ASCC3: variants seen among roughly 807,000 people sequenced by gnomAD.
ASCC3 encodes the protein activating signal cointegrator 1 complex subunit 3.
In ASCC3, 158 loss-of-function variants were observed where a neutral mutation model predicts 256.3. That is an observed-to-expected ratio of 0.62 (90% CI 0.54 to 0.70). The LOEUF is 0.70. Among genes scored for constraint, ASCC3 ranks in the 30% least tolerant of loss-of-function variants. ASCC3 has a pLI of 0.00. For synonymous variants in ASCC3, 948 were observed against 883.4 expected, an observed-to-expected ratio of 1.07 and a Z score of -1.30; for missense variants, 2,259 against 2,626.0, an observed-to-expected ratio of 0.86 and a Z score of 3.05.
At chr6:100,780,194 T>C (rs1253152720) in intron 8 of ASCC3, among the ~76,000 whole-genome samples, 1 of 152,204 alleles carries the variant, frequency 6.6e-6, no homozygotes, top group Non-Finnish European at 1.5e-5. Context: ...TAGTGTATGT[T>C]ACACTTAAAG....
At chr6:100,758,570 A>C (rs1004353005) in intron 10 of ASCC3, among the ~76,000 whole-genome samples, 3 of 152,162 alleles carry the variant, frequency 2.0e-5, no homozygotes, top group African/African-American at 7.2e-5. Context: ...ACATGATCTC[A>C]TTCCTTTTTA....
At chr6:100,638,537 G>A in intron 25 of ASCC3, 64 bp downstream of exon 25, 1 of 1,352,492 alleles carries the variant, frequency 7.4e-7, no homozygotes, top group East Asian at 2.3e-5. Flanking sequence ...ATTTAGAACT[G>A]TCTAGTTTAG....
At chr6:100,578,260 G>A (rs1270594857) in intron 36 of ASCC3, among the ~76,000 whole-genome samples, 1 of 152,028 alleles carries the variant, frequency 6.6e-6, no homozygotes, top group Non-Finnish European at 1.5e-5. Flanking sequence ...AATCAATTAA[G>A]TAATTAATTA....
At chr6:100,665,730 ACT>A (rs1262059216) in intron 14 of ASCC3, among the ~76,000 whole-genome samples, 1 of 142,238 alleles carries the variant, frequency 7.0e-6, no homozygotes, top group African/African-American at 2.7e-5. Flanking sequence ...ACAGAGTGAG[ACT>A]CTGTCTCAAA....
chr6:100,615,096 A>T (rs1773599872), intron 30 of ASCC3, among the ~76,000 whole-genome samples: 1 of 151,840 alleles, frequency 6.6e-6, no homozygotes. Context: ...GCTCACAGCA[A>T]CCTCTGTCTC....
At chr6:100,766,937 G>A (rs547637666) in intron 9 of ASCC3, among the ~76,000 whole-genome samples, 123 of 152,262 alleles carry the variant, frequency 8.1e-4, no homozygotes, top group Admixed American at 1.6e-3. Flanking sequence ...TTGTATAGAT[G>A]TATTTTCATA....
chr6:100,608,088 A>C lies in ASCC3; in HGVS notation c.4786-1000T>G, dbSNP rs1291209442. On this transcript the variant is annotated intron_variant, in intron 30 of 41. Coordinates refer to ENST00000369162, the MANE Select transcript of ASCC3 (RefSeq NM_006828.4). ...TATATATACATATATATGTATATAT[A>C]TCTATATACACATATATATGTATAT... 1.9e-4 allele frequency among the ~76,000 whole-genome samples: 19 copies of C among 100,430 alleles called. 1 individual carries two copies. Among genetic ancestry groups the C allele is most frequent in the African/African-American group, 5.8e-4 (14 of 24,046 alleles). The allele number at this position is 100,430 out of a possible 152,430, so 65.9% of individuals were successfully genotyped here. A position where few individuals can be genotyped will look rare whatever the true frequency, so the allele number is the denominator to read the frequency against.
Position 100,798,795 on chromosome 6 carries a change from T to A in ASCC3, c.1313A>T (p.Tyr438Phe). ...EGIQRENNKL[Y>F]EEVRIPYSEP... The stretch of plus-strand genomic sequence containing the variant: ...GCTGTAGGGAATCCTTACTTCTTCA[T>A]AAAGCTTGTTATTCTCTCTTTGGAT... Residue 438 changes from tyrosine (Y) to phenylalanine (F), a missense_variant, in exon 8 of 42, where the codon TAT becomes TTT. Around this residue, in one of 2 missense-constraint regions of ASCC3, gnomAD observed 1,839 missense variants for 2,206.7 expected, o/e 0.83. Coordinates refer to ENST00000369162, the MANE Select transcript of ASCC3 (RefSeq NM_006828.4). 2 of 1,612,982 alleles carry A rather than the reference T, an allele frequency of 1.2e-6. No homozygotes were observed. The highest frequency in any genetic ancestry group is 1.7e-6 in the Non-Finnish European group (2 of 1,179,478).
intron 22 of ASCC3, among the ~76,000 whole-genome samples, chr6:100,644,683 G>C (rs1582624144): frequency 6.6e-6 from 1 of 152,058 alleles, no homozygotes; most frequent in Non-Finnish European, 1.5e-5. Context: ...AAGAAAAAGT[G>C]ACCACATCCC....
chr6:100,827,597 GCTTC>G (rs944074428), intron 4 of ASCC3, among the ~76,000 whole-genome samples: 28 of 152,160 alleles, frequency 1.8e-4, no homozygotes, highest in African/African-American at 6.5e-4. Context: ...TATCTCAGCT[GCTTC>G]CAAGTTTTGG....
chr6:100,513,220 T>C (rs1051004837), intron 39 of ASCC3, among the ~76,000 whole-genome samples: 7 of 152,338 alleles, frequency 4.6e-5, no homozygotes, highest in Admixed American at 3.3e-4. Context: ...TATGCATGTA[T>C]GTGTAAGAAT....
chr6:100,702,063 G>A (rs1211663294), intron 13 of ASCC3, among the ~76,000 whole-genome samples: 1 of 152,142 alleles, frequency 6.6e-6, no homozygotes, highest in East Asian at 1.9e-4. Flanking sequence ...TACTGGAACC[G>A]TGTTTTGAAA....
chr6:100,707,202 T>G lies in ASCC3; in HGVS notation c.2151+8260A>C, dbSNP rs565158259. Among the ~76,000 whole-genome samples, 5 of 152,258 alleles carry G rather than the reference T, an allele frequency of 3.3e-5. No individual in the cohort carries two copies. The East Asian group carries it at 9.6e-4, about 29-fold the overall frequency. On this transcript the variant is annotated intron_variant, in intron 13 of 41. Coordinates refer to ENST00000369162, the MANE Select transcript of ASCC3 (RefSeq NM_006828.4). ...ACCCAGTCTTTTGTGGTAGGACCTG[T>G]CTTGCTGGGACACAAAAAGTAAAAG...
At chr6:100,586,676 C>T (rs1326775797) in intron 36 of ASCC3, among the ~76,000 whole-genome samples, 1 of 152,186 alleles carries the variant, frequency 6.6e-6, no homozygotes, top group African/African-American at 2.4e-5. Context: ...TCTTCTGCGT[C>T]ACTCACGCTG....
At chr6:100,516,383 T>C (rs755586100) in intron 38 of ASCC3, 56 bp from the exon 39 acceptor site, 2 of 1,600,638 alleles carry the variant, frequency 1.2e-6, no homozygotes, top group Non-Finnish European at 1.7e-6. Flanking sequence ...AAGAAGATTT[T>C]CTGACAATGG....
At chr6:100,711,504 A>T (rs1162618758) in intron 13 of ASCC3, among the ~76,000 whole-genome samples, 1 of 152,202 alleles carries the variant, frequency 6.6e-6, no homozygotes, top group Non-Finnish European at 1.5e-5. Flanking sequence ...AGGTGGGTGG[A>T]TCACCTGAGG....
Position 100,729,838 on chromosome 6 carries a change from G to C in ASCC3, c.1738-4135C>G, listed in dbSNP as rs568141858. Among the ~76,000 whole-genome samples, 356 of 152,228 alleles carry C rather than the reference G, an allele frequency of 2.3e-3. 2 individuals are homozygous for C. Among genetic ancestry groups the C allele is most frequent in the Middle Eastern group, 3.4e-3 (1 of 294 alleles). The stretch of plus-strand genomic sequence containing the variant: ...TTGATTTTGAAATTTTTAGTACTTA[G>C]ACTGTAGAAAACCGGGAGCAAACTG... On this transcript the variant is annotated intron_variant, in intron 10 of 41. Coordinates refer to ENST00000369162, the MANE Select transcript of ASCC3 (RefSeq NM_006828.4).
rs115638676 is a variant in ASCC3 at position 100,676,552 on chromosome 6, C to T, written c.2286+3066G>A. Among the ~76,000 whole-genome samples the T allele has an allele frequency of 6.0e-3, 918 of 152,260 alleles. 12 individuals are homozygous for T. The highest frequency in any genetic ancestry group is 0.021 in the African/African-American group (867 of 41,554). On this transcript the variant is annotated intron_variant, in intron 14 of 41. Transcript: ENST00000369162. ...GGGAGACTTTCCTTTCCTTTCCCTA[C>T]ATTCTTGTTTCAGTGGACAAATCTG...
At chr6:100,525,180 A>AAAAG (rs1554187425) in intron 37 of ASCC3, among the ~76,000 whole-genome samples, 36 of 147,842 alleles carry the variant, frequency 2.4e-4, no homozygotes, top group Admixed American at 4.0e-4. Flanking sequence ...AAAAAAAAAA[A>AAAAG]AAAGAAAGAA....
Sources: allele counts gnomAD v4.1 joint callset (sites outside exome capture counted in the v4.1 genomes callset), GRCh38; gene constraint gnomAD v4.1.1; regional missense constraint gnomAD v4.1.1; transcripts MANE v1.5; gene names NCBI Gene and HGNC (gene_info 2026-07-23, HGNC 2026-07-21).